The following NAF1 variants were observed in gnomAD, a reference collection of about 807,000 sequenced individuals.
NAF1 encodes H/ACA ribonucleoprotein complex non-core subunit NAF1.
NAF1 carries 11 observed loss-of-function variants against 40.6 expected under a neutral mutation model. The observed-to-expected ratio is 0.27, with a 90% confidence interval of 0.17 to 0.45. The LOEUF is 0.45. Among genes scored for constraint, NAF1 ranks in the 20% least tolerant of loss-of-function variants. The pLI is 1.00. For synonymous variants in NAF1, 260 were observed against 228.5 expected (o/e 1.14, Z -1.24); for missense variants, 607 against 611.1 (o/e 0.99, Z 0.07).
downstream of NAF1, chr4:163,128,628 T>G: frequency 1.7e-6 from 1 of 594,516 alleles, no homozygotes; most frequent in Non-Finnish European, 2.2e-6. Context: ...ATATATAGTT[T>G]AACTGGGTGG....
At position 163,145,856 on chromosome 4, in the gene NAF1, C is replaced by G. The variant is rs1248435637; in HGVS notation, c.643G>C (p.Glu215Gln). ...SSIIEQLVIIESMTNLPPVNE... is the reference protein window; with the variant it reads ...SSIIEQLVIIQSMTNLPPVNE... ...ACTGGAGGTAGGTTAGTCATAGATT[C>G]AATTATTACTGAAAAATAAAATAGA... Residue 215 changes from glutamate (E) to glutamine (Q), a missense_variant, in exon 4 of 8, where the codon GAA becomes CAA. Glu to Gln is a conservative substitution (Grantham distance 29). Around this residue, in one of 3 missense-constraint regions of NAF1, gnomAD observed 407 missense variants for 365.5 expected, o/e 1.11. Transcript: ENST00000274054. 6.9e-7 allele frequency: 1 copy of G among 1,458,740 alleles called. No homozygotes were observed. Among genetic ancestry groups the G allele is most frequent in the South Asian group, 1.2e-5 (1 of 80,692 alleles). 90.4% of individuals were successfully genotyped at this position (1,458,740 alleles called of 1,614,324 possible). A position where few individuals can be genotyped will look rare whatever the true frequency, so the allele number is the denominator to read the frequency against.
intron 6 of NAF1, chr4:163,136,224 T>A (rs1456263207): frequency 6.6e-6 from 1 of 152,002 alleles, no homozygotes; most frequent in Admixed American, 6.5e-5. Context: ...ATCCCAGCAC[T>A]TTGGGGAGCC....
chr4:163,116,395 T>C (rs1730339405), intron 2 of NAF1, among the ~76,000 whole-genome samples: 3 of 152,212 alleles, frequency 2.0e-5, no homozygotes, highest in African/African-American at 4.8e-5. Flanking sequence ...TGTGTGTGTA[T>C]GTCTGTGTGT....
At chr4:163,123,890 C>A (rs369216545), downstream of NAF1, among the ~76,000 whole-genome samples, 1 of 152,088 alleles carries the variant, frequency 6.6e-6, no homozygotes, top group Non-Finnish European at 1.5e-5. Context: ...TAAGTATTTG[C>A]CTTTACATCA....
At chr4:163,138,234 C>G (rs1357506816) in intron 5 of NAF1, among the ~76,000 whole-genome samples, 1 of 152,042 alleles carries the variant, frequency 6.6e-6, no homozygotes, top group Non-Finnish European at 1.5e-5. Context: ...TGATTCGGAA[C>G]TTTGACATTA....
intron 4 of NAF1, among the ~76,000 whole-genome samples, chr4:163,141,063 G>C (rs1731240306): frequency 6.6e-6 from 1 of 152,164 alleles, no homozygotes. Flanking sequence ...CAAAATACGT[G>C]AATTAAAAAA....
chr4:163,152,755 A>C (rs571153765), intron 2 of NAF1, among the ~76,000 whole-genome samples: 1 of 152,284 alleles, frequency 6.6e-6, no homozygotes, highest in Admixed American at 6.5e-5. Flanking sequence ...GCACTTGAGG[A>C]GCCCTTCAGC....
At position 163,166,745 on chromosome 4, in the gene NAF1, C is replaced by A; in HGVS notation, c.-18G>T. ...ACCTCCATCGCACCGCGCCAGAAAC[C>A]GGGTCGGCCTCAGGATTGGGGCCCC... On this transcript the variant is annotated 5_prime_UTR_variant, in exon 1 of 8. Transcript: ENST00000274054. The A allele has an allele frequency of 6.2e-7, 1 of 1,612,756 alleles. No individual in the cohort carries two copies. The highest frequency in any genetic ancestry group is 8.5e-7 in the Non-Finnish European group (1 of 1,179,696).
In NAF1 at chr4:163,162,775, T is replaced by C. The variant is rs548530378; in HGVS notation, c.540+1442A>G. ...ACTCATTCTATAATCATGTATTACTTTGGCCTGAGAACCCATTATCTATAA... is the reference window on the plus strand; with the variant it reads ...ACTCATTCTATAATCATGTATTACTCTGGCCTGAGAACCCATTATCTATAA... On this transcript the variant is annotated intron_variant, in intron 2 of 7. Transcript: ENST00000274054. Among the ~76,000 whole-genome samples the C allele has an allele frequency of 9.2e-5, 14 of 152,280 alleles. No homozygotes were observed. In the East Asian group the frequency reaches 2.7e-3, roughly 29 times the overall value.
At chr4:163,153,351 G>A (rs1280515764) in intron 2 of NAF1, among the ~76,000 whole-genome samples, 1 of 152,208 alleles carries the variant, frequency 6.6e-6, no homozygotes, top group African/African-American at 2.4e-5. Flanking sequence ...TCTATATCTA[G>A]CTCTGGGATT....
chr4:163,120,511 T>G (rs986743497), intron 2 of NAF1, among the ~76,000 whole-genome samples: 2 of 152,200 alleles, frequency 1.3e-5, no homozygotes, highest in African/African-American at 4.8e-5. Context: ...GATGGAGTAA[T>G]GGAACTAACT....
At position 163,166,822 on chromosome 4, in the gene NAF1, C is replaced by T. The variant is rs1732503268; in HGVS notation, c.-95G>A. ...AATAGAAAAACAACTTAGGCAACCG[C>T]AGCAACACTGCCTGGGCCCAACTTC... On this transcript the variant is annotated 5_prime_UTR_variant, in exon 1 of 8. Coordinates refer to ENST00000274054, the MANE Select transcript of NAF1 (RefSeq NM_138386.3). The T allele has an allele frequency of 6.7e-7, 1 of 1,498,468 alleles. No homozygotes were observed. The highest frequency in any genetic ancestry group is 8.9e-7 in the Non-Finnish European group (1 of 1,119,838). 92.8% of individuals were successfully genotyped at this position (1,498,468 alleles called of 1,614,324 possible). A position where few individuals can be genotyped will look rare whatever the true frequency, so the allele number is the denominator to read the frequency against.
intron 7 of NAF1, among the ~76,000 whole-genome samples, chr4:163,131,946 T>G (rs959242537): frequency 6.6e-6 from 1 of 152,140 alleles, no homozygotes; most frequent in Non-Finnish European, 1.5e-5. Flanking sequence ...CGATAGTAAA[T>G]GAACACATGG....
chr4:163,107,976 T>C (rs1730075700), downstream of NAF1, among the ~76,000 whole-genome samples: 1 of 152,206 alleles, frequency 6.6e-6, no homozygotes, highest in South Asian at 2.1e-4. Flanking sequence ...CATACAGGAA[T>C]TGAAACATCA....
At chr4:163,123,011 T>C (rs1730558684), downstream of NAF1, among the ~76,000 whole-genome samples, 2 of 152,208 alleles carry the variant, frequency 1.3e-5, no homozygotes, top group Non-Finnish European at 2.9e-5. Context: ...CTGTTTTATA[T>C]TGCTATAAAG....
rs750492466 is a variant in NAF1 at position 163,164,325 on chromosome 4, G to A, written c.432C>T (p.Ser144=). 1.9e-6 allele frequency: 3 copies of A among 1,601,324 alleles called. No homozygotes were observed. The highest frequency in any genetic ancestry group is 1.7e-5 in the Admixed American group (1 of 58,184). ...SSSSSSSSSS[S]SCISLPPVLS... ...GCACTGGAGGAAGTGATATACAAGA[G>A]GAAGAAGACGACGATGAGGAAGATG... The change falls in exon 2 of 8, where the codon TCC becomes TCT. Residue 144 remains serine (S), a synonymous_variant. Transcript: ENST00000274054.
downstream of NAF1, among the ~76,000 whole-genome samples, chr4:163,128,497 A>C (rs1430369799): frequency 6.6e-6 from 1 of 151,986 alleles, no homozygotes; most frequent in Non-Finnish European, 1.5e-5. Flanking sequence ...AATTTATAAA[A>C]ATAGTTTAAA....
At chr4:163,160,824 T>C (rs983625785) in intron 2 of NAF1, among the ~76,000 whole-genome samples, 12 of 152,104 alleles carry the variant, frequency 7.9e-5, no homozygotes, top group African/African-American at 2.9e-4. Flanking sequence ...GTTCATTAAT[T>C]TTCTTCAGAA....
At chr4:163,155,656 C>G (rs1469336978) in intron 2 of NAF1, among the ~76,000 whole-genome samples, 3 of 152,150 alleles carry the variant, frequency 2.0e-5, no homozygotes, top group Non-Finnish European at 4.4e-5. Flanking sequence ...TAGATTAACA[C>G]TTGGCTCCCT....
Sources: allele counts gnomAD v4.1 joint callset (sites outside exome capture counted in the v4.1 genomes callset), GRCh38; gene constraint gnomAD v4.1.1; regional missense constraint gnomAD v4.1.1; transcripts MANE v1.5; gene names NCBI Gene and HGNC (gene_info 2026-07-23, HGNC 2026-07-21).